PACRG: variants seen among roughly 807,000 people sequenced by gnomAD.
PACRG encodes the protein parkin coregulated gene protein.
A neutral mutation model predicts 29.7 loss-of-function variants in PACRG; 29 were observed. The ratio of observed to expected loss-of-function variants is 0.98; its 90% CI spans 0.73 to 1.33. The LOEUF (loss-of-function observed/expected upper bound fraction) is 1.33, where lower values mean the gene tolerates loss of function less well. PACRG is among the 40% of genes most tolerant of loss of function. The probability of loss-of-function intolerance (pLI) is 0.00; values close to 1 mark genes in which losing one functional copy is unlikely to be tolerated. For missense variants in PACRG, 279 were observed against 316.2 expected (o/e 0.88, Z 0.89); for synonymous variants, 116 against 118.7 (o/e 0.98, Z 0.15).
chr6:162,757,511 C>A (rs1482188312), intron 1 of PACRG, among the ~76,000 whole-genome samples: 2 of 152,036 alleles, frequency 1.3e-5, no homozygotes, highest in Non-Finnish European at 2.9e-5. Context: ...AGTTCGAGAC[C>A]AGCCTGACTA....
intron 2 of PACRG, among the ~76,000 whole-genome samples, chr6:162,836,599 A>G (rs574713443): frequency 6.6e-6 from 1 of 152,242 alleles, no homozygotes; most frequent in East Asian, 1.9e-4. Flanking sequence ...TGTCATTTAG[A>G]AAGAAGTTCC....
chr6:162,760,469 G>A (rs755062362), intron 1 of PACRG, among the ~76,000 whole-genome samples: 1 of 152,112 alleles, frequency 6.6e-6, no homozygotes, highest in African/African-American at 2.4e-5. Flanking sequence ...GAGAGAAGGG[G>A]GACAGTGGCA....
At chr6:163,122,632 G>A (rs1816339587) in intron 4 of PACRG, among the ~76,000 whole-genome samples, 1 of 152,172 alleles carries the variant, frequency 6.6e-6, no homozygotes, top group African/African-American at 2.4e-5. Context: ...TGCAGCCCCA[G>A]AAGTAGACAC....
intron 1 of PACRG, among the ~76,000 whole-genome samples, chr6:162,772,705 A>G (rs1330517077): frequency 6.6e-6 from 1 of 152,182 alleles, no homozygotes. Flanking sequence ...CCTGGCAGCA[A>G]TACAAAGAGT....
At chr6:162,730,179 A>G (rs1400772223) in intron 1 of PACRG, among the ~76,000 whole-genome samples, 1 of 152,092 alleles carries the variant, frequency 6.6e-6, no homozygotes, top group Non-Finnish European at 1.5e-5. Context: ...CAACATTCAA[A>G]TCTTGATAAA....
chr6:162,878,255 GA>G (rs1328970669), intron 2 of PACRG, among the ~76,000 whole-genome samples: 11 of 152,184 alleles, frequency 7.2e-5, no homozygotes, highest in Non-Finnish European at 1.6e-4. Flanking sequence ...TTATGACACA[GA>G]AATGAGATAT....
At chr6:163,117,738 C>T (rs1006752457) in intron 4 of PACRG, among the ~76,000 whole-genome samples, 2 of 138,246 alleles carry the variant, frequency 1.4e-5, no homozygotes, top group Non-Finnish European at 3.0e-5. Context: ...GTGACAAGAA[C>T]GAGACTCTGT....
At chr6:163,118,437 A>T (rs1816116493) in intron 4 of PACRG, among the ~76,000 whole-genome samples, 1 of 152,232 alleles carries the variant, frequency 6.6e-6, no homozygotes, top group South Asian at 2.1e-4. Context: ...AAGGTGTGAT[A>T]GAACATTACT....
intron 2 of PACRG, among the ~76,000 whole-genome samples, chr6:162,936,617 C>T (rs896993006): frequency 3.9e-5 from 6 of 152,150 alleles, no homozygotes; most frequent in Non-Finnish European, 5.9e-5. Context: ...TAAATGATCC[C>T]TTGCCAATTT....
chr6:162,975,766 T>TTCTC (rs1554322670), intron 2 of PACRG, among the ~76,000 whole-genome samples: 2 of 104,898 alleles, frequency 1.9e-5, no homozygotes, highest in African/African-American at 6.3e-5. Flanking sequence ...CAGGTCCTTC[T>TTCTC]TCTCTCCCTC....
At chr6:162,837,059 T>G (rs1354793299) in intron 2 of PACRG, among the ~76,000 whole-genome samples, 1 of 151,988 alleles carries the variant, frequency 6.6e-6, no homozygotes, top group Non-Finnish European at 1.5e-5. Context: ...GATTCAGAGA[T>G]GGAAATGTAA....
intron 2 of PACRG, among the ~76,000 whole-genome samples, chr6:162,940,164 C>A (rs9347707): frequency 0.69 from 105,653 of 152,058 alleles, 37,025 homozygotes; most frequent in East Asian, 0.79. Context: ...TTCATGCTAA[C>A]GCTCAGAGGG....
In PACRG at chr6:163,000,328, C is replaced by T. The variant is rs1220503701; in HGVS notation, c.292-61822C>T. The stretch of plus-strand genomic sequence containing the variant: ...AACTTCTTGCTGCATTTTCTGTTTT[C>T]GCGCTGGACAGACTTGCCCAGAAGT... On this transcript the variant is annotated intron_variant, in intron 2 of 4. Coordinates refer to ENST00000366888, the MANE Select transcript of PACRG (RefSeq NM_001080379.2). Among the ~76,000 whole-genome samples, 6 of 152,262 alleles carry T rather than the reference C, an allele frequency of 3.9e-5. No individual in the cohort carries two copies. The South Asian group carries it at 8.3e-4, about 21-fold the overall frequency.
At chr6:162,765,837 CTA>C (rs1482374156) in intron 1 of PACRG, among the ~76,000 whole-genome samples, 8 of 152,108 alleles carry the variant, frequency 5.3e-5, no homozygotes, top group South Asian at 4.2e-4. Flanking sequence ...ACACATATAA[CTA>C]TTTAATATTT....
intron 1 of PACRG, among the ~76,000 whole-genome samples, chr6:162,790,029 C>T (rs761620449): frequency 9.9e-5 from 15 of 152,096 alleles, no homozygotes; most frequent in Admixed American, 2.0e-4. Flanking sequence ...AAATAGTAGG[C>T]AATTTTTGTG....
At chr6:162,832,615 G>A (rs111436020) in intron 2 of PACRG, among the ~76,000 whole-genome samples, 3 of 152,190 alleles carry the variant, frequency 2.0e-5, no homozygotes, top group African/African-American at 7.2e-5. Flanking sequence ...GGGATTTGCT[G>A]TGTAAAAGAG....
intron 3 of PACRG, among the ~76,000 whole-genome samples, chr6:163,086,609 A>G (rs1015519862): frequency 6.6e-6 from 1 of 152,110 alleles, no homozygotes; most frequent in Non-Finnish European, 1.5e-5. Context: ...TTTTCATGCA[A>G]CAAACCCTAG....
chr6:162,756,380 T>A (rs1446926441), intron 1 of PACRG, among the ~76,000 whole-genome samples: 1 of 152,202 alleles, frequency 6.6e-6, no homozygotes, highest in Non-Finnish European at 1.5e-5. Flanking sequence ...CTAACCCCTT[T>A]ATCATTATGT....
rs185584600 is a variant in PACRG at position 162,876,086 on chromosome 6, G to A, written c.291+61805G>A. On this transcript the variant is annotated intron_variant, in intron 2 of 4. Coordinates refer to ENST00000366888, the MANE Select transcript of PACRG (RefSeq NM_001080379.2). ...CATGCTAAAACCATGCATGCTTCCC[G>A]GGTATCACTGTTCTCATGTGGGTGC... 1.4e-3 allele frequency among the ~76,000 whole-genome samples: 218 copies of A among 152,244 alleles called. 1 individual carries two copies. The highest frequency in any genetic ancestry group is 1.6e-3 in the Non-Finnish European group (112 of 68,004).
Sources: gnomAD v4.1 joint callset for allele counts (sites outside exome capture counted in the v4.1 genomes callset) on GRCh38, gnomAD v4.1.1 for gene constraint, MANE v1.5 for transcripts, NCBI Gene and HGNC (gene_info 2026-07-23, HGNC 2026-07-21) for gene names.